The following RTTN variants were observed in gnomAD, a reference collection of about 807,000 sequenced individuals.
RTTN encodes the protein rotatin.
In RTTN, 182 loss-of-function variants were observed where a neutral mutation model predicts 269.2. The observed-to-expected ratio is 0.68, with a 90% CI of 0.60 to 0.76. The LOEUF (loss-of-function observed/expected upper bound fraction) is 0.76, where lower values mean the gene tolerates loss of function less well. Among genes scored for constraint, RTTN ranks in the 30% least tolerant of loss-of-function variants. The pLI is 0.00. For synonymous variants in RTTN, 1,006 were observed against 963.5 expected, an observed-to-expected ratio of 1.04 and a Z score of -0.82; for missense variants, 2,545 against 2,608.6, an observed-to-expected ratio of 0.98 and a Z score of 0.53.
intron 42 of RTTN, among the ~76,000 whole-genome samples, chr18:70,029,558 C>T (rs1289980224): frequency 6.6e-6 from 1 of 152,006 alleles, no homozygotes; most frequent in African/African-American, 2.4e-5. Context: ...ATATTAGCTC[C>T]ATCAATTACC....
chr18:70,202,561 C>T (rs1244376966), intron 3 of RTTN, among the ~76,000 whole-genome samples: 1 of 152,224 alleles, frequency 6.6e-6, no homozygotes, highest in Non-Finnish European at 1.5e-5. Flanking sequence ...AACCATTCCT[C>T]TACTTTCACC....
At chr18:70,034,565 A>G (rs867682888) in intron 40 of RTTN, among the ~76,000 whole-genome samples, 2 of 152,234 alleles carry the variant, frequency 1.3e-5, no homozygotes, top group Non-Finnish European at 2.9e-5. Flanking sequence ...AGAGCCATCT[A>G]TGACAAACCT....
intron 34 of RTTN, 39 bp from the exon 35 acceptor site, chr18:70,065,961 G>T: frequency 1.4e-6 from 2 of 1,427,904 alleles, no homozygotes; most frequent in Non-Finnish European, 1.9e-6. Context: ...TAATGTTACA[G>T]TACGGAAAAT....
At chr18:70,143,518 T>A (rs2060312827) in intron 18 of RTTN, among the ~76,000 whole-genome samples, 1 of 152,104 alleles carries the variant, frequency 6.6e-6, no homozygotes, top group Non-Finnish European at 1.5e-5. Context: ...TACTGCATGT[T>A]CTCACTTATA....
intron 28 of RTTN, among the ~76,000 whole-genome samples, chr18:70,095,873 A>T (rs1412571484): frequency 3.9e-5 from 6 of 151,966 alleles, no homozygotes; most frequent in Non-Finnish European, 4.4e-5. Flanking sequence ...CTCCTAGGTA[A>T]TATCCTGAAG....
intron 28 of RTTN, among the ~76,000 whole-genome samples, chr18:70,095,255 T>A (rs2058970929): frequency 6.6e-6 from 1 of 152,186 alleles, no homozygotes; most frequent in Non-Finnish European, 1.5e-5. Context: ...CTTTATCCAA[T>A]TTGCCAGTCT....
chr18:70,205,489 C>T (rs1600105747), intron 1 of RTTN, 139 bp downstream of exon 1: 1 of 1,348,526 alleles, frequency 7.4e-7, no homozygotes, highest in East Asian at 2.3e-5. Context: ...AGATGGGTCC[C>T]CGGGGGCTAT....
At chr18:70,041,967 C>T (rs1311171633) in intron 40 of RTTN, among the ~76,000 whole-genome samples, 1 of 151,990 alleles carries the variant, frequency 6.6e-6, no homozygotes, top group Non-Finnish European at 1.5e-5. Flanking sequence ...TGACAAGTTG[C>T]ACTCATATGC....
intron 40 of RTTN, among the ~76,000 whole-genome samples, chr18:70,040,751 A>C (rs983898708): frequency 2.0e-5 from 3 of 152,244 alleles, no homozygotes; most frequent in African/African-American, 7.2e-5. Context: ...AAAACATTCA[A>C]GAAATTGAAA....
At chr18:70,125,242 G>T (rs985965906) in intron 25 of RTTN, among the ~76,000 whole-genome samples, 2 of 151,940 alleles carry the variant, frequency 1.3e-5, no homozygotes, top group Non-Finnish European at 2.9e-5. Context: ...TTAGGGTGGT[G>T]TTCATTTCGG....
intron 10 of RTTN, among the ~76,000 whole-genome samples, chr18:70,185,747 G>C (rs2061529123): frequency 6.6e-6 from 1 of 151,874 alleles, no homozygotes; most frequent in African/African-American, 2.4e-5. Context: ...AGATTTTATA[G>C]ATAGAAAATC....
chr18:70,160,805 C>A (rs1173771332), intron 14 of RTTN, among the ~76,000 whole-genome samples: 10 of 151,652 alleles, frequency 6.6e-5, no homozygotes, highest in Non-Finnish European at 1.3e-4. Context: ...AGCTCAGAGC[C>A]AAATCACAAT....
intron 13 of RTTN, 36 bp from the exon 14 acceptor site, chr18:70,166,224 C>A: frequency 6.2e-7 from 1 of 1,607,722 alleles, no homozygotes; most frequent in Non-Finnish European, 8.5e-7. Flanking sequence ...ACATGTGAGG[C>A]AAGTAAGTTA....
rs570628098 is a variant in RTTN, at chr18:70,158,765, C to A, written c.1929+7297G>T. 6.1e-4 allele frequency among the ~76,000 whole-genome samples: 92 copies of A among 151,926 alleles called. 1 individual carries two copies. The highest frequency in any genetic ancestry group is 2.0e-3 in the African/African-American group (84 of 41,480). ...TGGAGATAAAGATCTATCCAGCAAA[C>A]AGAAAACAAAAAAAGAGCAGGAGTT... On this transcript the variant is annotated intron_variant, in intron 14 of 48. Transcript: ENST00000640769.
intron 21 of RTTN, among the ~76,000 whole-genome samples, chr18:70,135,827 G>A (rs2060111615): frequency 6.6e-6 from 1 of 152,110 alleles, no homozygotes; most frequent in Non-Finnish European, 1.5e-5. Context: ...TGCTCTGAAT[G>A]GACAGACTTA....
intron 5 of RTTN, among the ~76,000 whole-genome samples, chr18:70,198,267 C>A (rs1390088596): frequency 6.6e-6 from 1 of 152,094 alleles, no homozygotes; most frequent in Non-Finnish European, 1.5e-5. Context: ...ACTCCCCACC[C>A]CAAAAAAATC....
rs1264386895 is a variant in RTTN at position 70,204,128 on chromosome 18, C to G, written c.355G>C (p.Val119Leu). ...LDGLFLLPSE[V>L]PALSSASYQT... ...TATGAGGCAGAAGATAGTGCAGGAA[C>G]TTCCGAAGGAAGAAGAAAAAGTCCA... Residue 119 changes from valine (V) to leucine (L), a missense_variant, in exon 3 of 49, where the codon GTT becomes CTT. Physicochemically the swap from Val to Leu is conservative, Grantham distance 32. Coordinates refer to ENST00000640769, the MANE Select transcript of RTTN (RefSeq NM_173630.4). 3.7e-6 allele frequency: 6 copies of G among 1,614,032 alleles called. No individual in the cohort carries two copies. The highest frequency in any genetic ancestry group is 5.1e-6 in the Non-Finnish European group (6 of 1,179,934).
Position 70,192,464 on chromosome 18 carries a change from T to C in RTTN, c.1007+824A>G, listed in dbSNP as rs547174237. On this transcript the variant is annotated intron_variant, in intron 8 of 48. Transcript: ENST00000640769. ...ACGAGGCCAAGATGGGAAGATCACT[T>C]GAGCCCAGGAGTTCGAGACCAGCCT... is the stretch of plus-strand genomic sequence containing the variant. Among the ~76,000 whole-genome samples, 399 of 152,140 alleles carry C rather than the reference T, an allele frequency of 2.6e-3. 1 individual carries two copies. The highest frequency in any genetic ancestry group is 9.2e-3 in the African/African-American group (384 of 41,524).
chr18:70,197,270 T>C lies in RTTN; in HGVS notation c.693+354A>G, dbSNP rs534087065. ...TCACCGCTACTGTATTTTCCCAGCATGTAGCACTGTGCGTTAAATAAACGA... is the reference window on the plus strand; with the variant it reads ...TCACCGCTACTGTATTTTCCCAGCACGTAGCACTGTGCGTTAAATAAACGA... On this transcript the variant is annotated intron_variant, in intron 6 of 48. Coordinates refer to ENST00000640769, the MANE Select transcript of RTTN (RefSeq NM_173630.4). Among the ~76,000 whole-genome samples the C allele has an allele frequency of 5.9e-5, 9 of 152,338 alleles. No individual in the cohort carries two copies. The South Asian group carries it at 1.2e-3, about 21-fold the overall frequency.
Sources: allele counts gnomAD v4.1 joint callset (sites outside exome capture counted in the v4.1 genomes callset), GRCh38; gene constraint gnomAD v4.1.1; transcripts MANE v1.5; gene names NCBI Gene and HGNC (gene_info 2026-07-23, HGNC 2026-07-21).